Variants in DST observed in about 807,000 individuals in gnomAD.
The protein encoded by DST is dystonin.
In DST, 253 loss-of-function variants were observed where a neutral mutation model predicts 875.2. That is an observed-to-expected ratio of 0.29 (90% CI 0.26 to 0.32). DST has a LOEUF of 0.32. DST is among the 10% of genes least tolerant of loss of function. The pLI is 1.00. For missense variants in DST, 8,287 were observed against 9,111.6 expected (o/e 0.91, Z 3.68); for synonymous variants, 3,124 against 3,197.1 (o/e 0.98, Z 0.77).
intron 10 of DST, among the ~76,000 whole-genome samples, chr6:56,658,389 T>A (rs2099021315): frequency 6.6e-6 from 1 of 152,054 alleles, no homozygotes; most frequent in Admixed American, 6.6e-5. Flanking sequence ...AAAATGAGTA[T>A]CAAGAATTAC....
intron 87 of DST, among the ~76,000 whole-genome samples, chr6:56,485,833 C>T (rs931577496): frequency 6.6e-6 from 1 of 152,116 alleles, no homozygotes; most frequent in African/African-American, 2.4e-5. Flanking sequence ...CATTTTAACA[C>T]ATGTATAGAT....
chr6:56,470,097 G>C (rs1698775248), intron 96 of DST, 31 bp downstream of exon 96: 1 of 1,609,810 alleles, frequency 6.2e-7, no homozygotes, highest in Non-Finnish European at 8.5e-7. Context: ...CATACTATCA[G>C]TGTTGTACGC....
intron 4 of DST, among the ~76,000 whole-genome samples, chr6:56,751,968 A>G (rs1449945943): frequency 6.6e-6 from 1 of 152,178 alleles, no homozygotes; most frequent in Non-Finnish European, 1.5e-5. Flanking sequence ...CTTTTTGCAT[A>G]CAAATCTCTA....
In DST at chr6:56,827,776, A is replaced by G. The variant is rs183804098; in HGVS notation, c.625+23621T>C. On this transcript the variant is annotated intron_variant, in intron 4 of 103. Transcript: ENST00000680361. The stretch of plus-strand genomic sequence containing the variant: ...AGAAATAGAACTAAGCAGGGGCGGA[A>G]GAGTTGGGGGGAATGTAAAATATAT... Among the ~76,000 whole-genome samples, 722 of 152,298 alleles carry G rather than the reference A, an allele frequency of 4.7e-3. 7 individuals carry two copies. Among genetic ancestry groups the G allele is most frequent in the Middle Eastern group, 6.8e-3 (2 of 294 alleles).
In DST at chr6:56,560,379, C is replaced by T. The variant is rs1430691486; in HGVS notation, c.14355G>A (p.Glu4785=). ...ACAGCTCTGTCAATTTGTCTTTCAACTCCTGTACTTTGTTTACATTCTGCT... is the reference window on the plus strand; with the variant it reads ...ACAGCTCTGTCAATTTGTCTTTCAATTCCTGTACTTTGTTTACATTCTGCT... ...ELKQNVNKVQ[E]LKDKLTELLE... Residue 4785 remains glutamate (E), a synonymous_variant, in exon 58 of 104, where the codon GAG becomes GAA. Transcript: ENST00000680361. The T allele has an allele frequency of 1.9e-6, 3 of 1,605,908 alleles. No individual in the cohort carries two copies. The highest frequency in any genetic ancestry group is 1.3e-5 in the African/African-American group (1 of 74,832).
rs376445948 is a variant in DST at position 56,597,897 on chromosome 6, T to G, written c.12038A>C (p.Gln4013Pro). Residue 4013 changes from glutamine to proline, a missense_variant, in exon 47 of 104, where the codon CAG becomes CCG. Coordinates refer to ENST00000680361, the MANE Select transcript of DST (RefSeq NM_001374736.1). ...ATGGGTCCCGTTCTGTTCGATTACC[T>G]GTTTGTGTTTTGTCCCTGCCCTTTC... Reference protein sequence around the residue: ...DSERAGTKHKQVIEQNGTHFQ... With the variant: ...DSERAGTKHKPVIEQNGTHFQ... The G allele has an allele frequency of 8.1e-6, 13 of 1,613,840 alleles. No homozygotes were observed. In the African/African-American group the frequency reaches 1.7e-4, roughly 22 times the overall value.
chr6:56,606,610 C>G lies in DST; in HGVS notation c.8018G>C (p.Gly2673Ala). The change falls in exon 40 of 104, where the codon GGG becomes GCG. Residue 2673 changes from glycine to alanine, a missense_variant. By Grantham distance (60) the Gly-to-Ala change is moderately conservative (BLOSUM62 0). This residue lies in a region of DST where 3,138 missense variants were observed against 3,116.6 expected (regional missense o/e 1.01). Transcript: ENST00000680361. The stretch of plus-strand genomic sequence containing the variant: ...CACACTTAAGCTACCAACTGGTGCC[C>G]CCTGGGGAACCATGGAATTTTCATT... Reference protein sequence around the residue: ...KENENSMVPQGAPVGSLSVKN... With the variant: ...KENENSMVPQAAPVGSLSVKN... The G allele has an allele frequency of 6.2e-7, 1 of 1,613,542 alleles. No homozygotes were observed. The highest frequency in any genetic ancestry group is 8.5e-7 in the Non-Finnish European group (1 of 1,179,608).
intron 93 of DST, 58 bp from the exon 94 acceptor site, chr6:56,472,280 G>A: frequency 6.5e-7 from 1 of 1,528,654 alleles, no homozygotes; most frequent in East Asian, 2.3e-5. Flanking sequence ...AATGTGTTAA[G>A]GCTTGACCTT....
chr6:56,840,592 T>C (rs1369322204), intron 4 of DST, among the ~76,000 whole-genome samples: 1 of 152,216 alleles, frequency 6.6e-6, no homozygotes, highest in Non-Finnish European at 1.5e-5. Flanking sequence ...TTCTGTGTTA[T>C]TCTAATTCAG....
intron 85 of DST, 42 bp from the exon 86 acceptor site, chr6:56,489,651 A>G (rs958944616): frequency 6.3e-7 from 1 of 1,582,888 alleles, no homozygotes; most frequent in Non-Finnish European, 8.6e-7. Context: ...TTTTTCAAGC[A>G]TATTATACTT....
intron 61 of DST, among the ~76,000 whole-genome samples, chr6:56,538,207 C>T (rs372925617): frequency 4.6e-5 from 7 of 152,072 alleles, no homozygotes; most frequent in Non-Finnish European, 5.9e-5. Context: ...CCAGGCTGGT[C>T]TCAAACTCCT....
At chr6:56,741,876 T>A (rs1230867470) in intron 4 of DST, among the ~76,000 whole-genome samples, 1 of 152,162 alleles carries the variant, frequency 6.6e-6, no homozygotes, top group African/African-American at 2.4e-5. Context: ...AAATATATAT[T>A]TATATCCCCC....
intron 4 of DST, among the ~76,000 whole-genome samples, chr6:56,805,792 G>T (rs574640162): frequency 1.3e-4 from 20 of 152,222 alleles, no homozygotes; most frequent in African/African-American, 4.6e-4. Flanking sequence ...AAACAGTTGG[G>T]AAGTGGCATA....
chr6:56,902,674 T>C (rs1278576695), intron 2 of DST, among the ~76,000 whole-genome samples: 2 of 152,192 alleles, frequency 1.3e-5, no homozygotes, highest in Non-Finnish European at 2.9e-5. Context: ...ATCCCGCCCC[T>C]GCGTGCAAGC....
chr6:56,515,645 C>A lies in DST; in HGVS notation c.18381G>T (p.Lys6127Asn). The A allele has an allele frequency of 1.2e-6, 2 of 1,608,692 alleles. No homozygotes were observed. Among genetic ancestry groups the A allele is most frequent in the Non-Finnish European group, 1.7e-6 (2 of 1,177,028 alleles). ...TAATCTGGCAGATGGTATCATAGTT[C>A]TTCAGTACCTTGTCCAGTTTTTTCT... ...SMKKKLDKVLKNYDTICQINS... is the reference protein window; with the variant it reads ...SMKKKLDKVLNNYDTICQINS... Residue 6127 changes from lysine to asparagine, a missense_variant, in exon 72 of 104, where the codon AAG (lysine) becomes AAT (asparagine). Physicochemically the swap from Lys to Asn is moderately conservative, Grantham distance 94 (BLOSUM62 0). Transcript: ENST00000680361.
At chr6:56,620,257 T>A in intron 36 of DST, 1 of 1,614,182 alleles carries the variant, frequency 6.2e-7, no homozygotes, top group South Asian at 1.1e-5. Flanking sequence ...GACTTAAATC[T>A]TTTCTTTTAA....
Position 56,607,740 on chromosome 6 carries a change from T to C in DST, c.6888A>G (p.Arg2296=). 1 of 1,613,538 alleles carries C rather than the reference T, an allele frequency of 6.2e-7. No homozygotes were observed. The highest frequency in any genetic ancestry group is 8.5e-7 in the Non-Finnish European group (1 of 1,179,716). Reference sequence around the variant, plus strand: ...TAAATTCTTCATCTATAGCACACTTTCTATTTTCAGGAGTCTCTTCATGTT... The same window carrying C: ...TAAATTCTTCATCTATAGCACACTTCCTATTTTCAGGAGTCTCTTCATGTT... ...EPEHEETPEN[R]KCAIDEEFNE... is the part of the protein sequence containing the mutation. Residue 2296 remains arginine, a synonymous_variant, in exon 40 of 104, where the codon AGA becomes AGG. Transcript: ENST00000680361.
intron 4 of DST, among the ~76,000 whole-genome samples, chr6:56,794,952 G>C (rs1237948223): frequency 6.6e-6 from 1 of 152,130 alleles, no homozygotes; most frequent in East Asian, 1.9e-4. Flanking sequence ...CTAAGGTTGA[G>C]AAGTCCACCA....
chr6:56,549,215 T>C (rs1159264109), intron 61 of DST, among the ~76,000 whole-genome samples: 2 of 152,194 alleles, frequency 1.3e-5, no homozygotes. Flanking sequence ...CAGTTTATTT[T>C]GTATTAAGAA....
Sources: gnomAD v4.1 joint callset for allele counts (sites outside exome capture counted in the v4.1 genomes callset) on GRCh38, gnomAD v4.1.1 for gene constraint, gnomAD v4.1.1 regional missense constraint, MANE v1.5 for transcripts, NCBI Gene and HGNC (gene_info 2026-07-23, HGNC 2026-07-21) for gene names.